Variants in COPA observed in about 807,000 individuals in gnomAD.
The protein encoded by COPA is coat protein complex I subunit alpha.
In COPA, 10 loss-of-function variants were observed where a neutral mutation model predicts 158.7. That is an observed-to-expected ratio of 0.06 (90% CI 0.04 to 0.11). The LOEUF (loss-of-function observed/expected upper bound fraction) is 0.11. Among genes scored for constraint, COPA ranks in the 10% least tolerant of loss-of-function variants. The pLI, the probability that COPA is intolerant of heterozygous loss-of-function variation, is 1.00. For missense variants in COPA, 1,065 were observed against 1,536.7 expected, an observed-to-expected ratio of 0.69 and a Z score of 5.13; for synonymous variants, 462 against 542.8, an observed-to-expected ratio of 0.85 and a Z score of 2.07.
intron 23 of COPA, among the ~76,000 whole-genome samples, chr1:160,295,423 T>C (rs1161879636): frequency 6.6e-6 from 1 of 152,160 alleles, no homozygotes; most frequent in Non-Finnish European, 1.5e-5. Flanking sequence ...ATGTCATGAA[T>C]GATAAAATAC....
chr1:160,310,720 T>C (rs1216544906), intron 11 of COPA, among the ~76,000 whole-genome samples: 1 of 152,138 alleles, frequency 6.6e-6, no homozygotes, highest in African/African-American at 2.4e-5. Flanking sequence ...TTTGCCACCA[T>C]GAATGTTTCA....
intron 3 of COPA, among the ~76,000 whole-genome samples, chr1:160,337,576 G>A (rs1225462736): frequency 6.6e-6 from 1 of 152,034 alleles, no homozygotes; most frequent in African/African-American, 2.4e-5. Flanking sequence ...AAAATTAGCC[G>A]GGCTTGGTGG....
At chr1:160,290,239 A>T in intron 32 of COPA, 23 bp from the exon 33 acceptor site, 1 of 1,613,666 alleles carries the variant, frequency 6.2e-7, no homozygotes, top group Non-Finnish European at 8.5e-7. Context: ...AAACAAAGGA[A>T]CAAGTTAGAG....
In COPA at chr1:160,308,849, TGAAA is replaced by T. The variant is rs150890655; in HGVS notation, c.1219+248_1219+251del. The T allele has an allele frequency of 8.5e-3, 3,736 of 441,162 alleles. 77 individuals are homozygous for T. Among genetic ancestry groups the T allele is most frequent in the East Asian group, 0.043 (1,098 of 25,656 alleles). The allele number at this position is 441,162 out of a possible 1,614,324, so 27.3% of individuals were successfully genotyped here. ...AATAAACTAGGATAACATGCTGTGCTGAAAGAGAGAATGGAGAGTTTCTAATAAC... is the reference window on the plus strand; with the variant it reads ...AATAAACTAGGATAACATGCTGTGCTGAGAGAATGGAGAGTTTCTAATAAC... On this transcript the variant is annotated intron_variant, in intron 13 of 32. Transcript: ENST00000241704.
Position 160,312,005 on chromosome 1 carries a change from A to G in COPA, c.939T>C (p.Gly313=). Residue 313 remains glycine (G), a synonymous_variant, in exon 11 of 33, where the codon GGT becomes GGC. Coordinates refer to ENST00000241704, the MANE Select transcript of COPA (RefSeq NM_004371.4). ...CCCGTTCCAGCTTAAACACAATCATACCACCATCATGGCCTGGGGGACAGG... is the reference window on the plus strand; with the variant it reads ...CCCGTTCCAGCTTAAACACAATCATGCCACCATCATGGCCTGGGGGACAGG... ...LNLFAAGHDG[G]MIVFKLERER... 1 of 1,613,818 alleles carries G rather than the reference A, an allele frequency of 6.2e-7. No individual in the cohort carries two copies. Among genetic ancestry groups the G allele is most frequent in the Non-Finnish European group, 8.5e-7 (1 of 1,179,818 alleles).
intron 6 of COPA, among the ~76,000 whole-genome samples, chr1:160,327,478 G>A (rs1249857754): frequency 6.6e-6 from 1 of 151,680 alleles, no homozygotes; most frequent in Non-Finnish European, 1.5e-5. Context: ...CGGGGCTGGG[G>A]GGGGCGCAGC....
chr1:160,308,641 G>A (rs1344032838), intron 13 of COPA, among the ~76,000 whole-genome samples: 2 of 152,180 alleles, frequency 1.3e-5, no homozygotes, highest in Non-Finnish European at 2.9e-5. Context: ...GCTGGATCCT[G>A]GGATCCCAGG....
intron 8 of COPA, chr1:160,317,553 C>G: frequency 6.2e-7 from 1 of 1,605,626 alleles, no homozygotes; most frequent in Non-Finnish European, 8.5e-7. Context: ...AAGAATCATA[C>G]TGTCAAAGAC....
intron 11 of COPA, among the ~76,000 whole-genome samples, chr1:160,311,617 G>A (rs1487067649): frequency 6.6e-6 from 1 of 151,746 alleles, no homozygotes; most frequent in Non-Finnish European, 1.5e-5. Context: ...GCGTGGTGGC[G>A]GGCGCCTGTA....
chr1:160,339,283 G>A (rs1185898499), intron 3 of COPA, among the ~76,000 whole-genome samples: 4 of 151,934 alleles, frequency 2.6e-5, no homozygotes, highest in Admixed American at 6.6e-5. Context: ...TGGTATTTTT[G>A]CCTCCTGTCT....
Position 160,290,134 on chromosome 1 carries a change from G to A in COPA, c.*23C>T. The A allele has an allele frequency of 3.7e-6, 6 of 1,611,796 alleles. No individual in the cohort carries two copies. The highest frequency in any genetic ancestry group is 5.1e-6 in the Non-Finnish European group (6 of 1,178,056). On this transcript the variant is annotated 3_prime_UTR_variant, in exon 33 of 33. Coordinates refer to ENST00000241704, the MANE Select transcript of COPA (RefSeq NM_004371.4). ...TCTCTGGGGGGAACATATGGTGACT[G>A]ACCCATGCACACAAAGGGGGCCTTA...
chr1:160,318,819 T>G (rs1659243282), intron 8 of COPA, among the ~76,000 whole-genome samples: 1 of 152,016 alleles, frequency 6.6e-6, no homozygotes, highest in Non-Finnish European at 1.5e-5. Context: ...CCTTATTCTA[T>G]CTATAAGATT....
At chr1:160,325,437 T>A in intron 7 of COPA, 106 bp downstream of exon 7, 2 of 959,680 alleles carry the variant, frequency 2.1e-6, no homozygotes, top group South Asian at 1.4e-5. Flanking sequence ...TGGCACTTAA[T>A]AAGCACTCTG....
At chr1:160,339,716 C>A in intron 3 of COPA, 193 bp downstream of exon 3, 1 of 503,932 alleles carries the variant, frequency 2.0e-6, no homozygotes. Flanking sequence ...TTTTTGAATT[C>A]CCTAAAAAGA....
At chr1:160,326,557 G>A (rs1571176953) in intron 6 of COPA, among the ~76,000 whole-genome samples, 1 of 152,162 alleles carries the variant, frequency 6.6e-6, no homozygotes, top group South Asian at 2.1e-4. Context: ...AGAAGCCACA[G>A]TGCAGTGTTT....
intron 13 of COPA, among the ~76,000 whole-genome samples, chr1:160,308,071 G>C (rs1658846940): frequency 6.6e-6 from 1 of 152,092 alleles, no homozygotes; most frequent in Admixed American, 6.6e-5. Context: ...CCACCACTGG[G>C]CTGCTCCTTT....
intron 3 of COPA, chr1:160,339,660 G>C (rs1886421): frequency 0.53 from 226,466 of 427,970 alleles, 61,898 homozygotes; most frequent in African/African-American, 0.73. Flanking sequence ...TTTATCTTCT[G>C]TATTAGAATA....
chr1:160,316,146 T>C (rs1457280489), intron 8 of COPA, among the ~76,000 whole-genome samples: 1 of 151,644 alleles, frequency 6.6e-6, no homozygotes, highest in Non-Finnish European at 1.5e-5. Flanking sequence ...GATCACAAGG[T>C]CAGGAGTTCG....
intron 21 of COPA, among the ~76,000 whole-genome samples, 175 bp from the exon 22 acceptor site, chr1:160,296,324 CA>C (rs376948764): frequency 2.6e-5 from 4 of 152,330 alleles, no homozygotes; most frequent in African/African-American, 9.6e-5. Context: ...ATGGATGGAA[CA>C]TGGCAGATGT....
Sources: allele counts gnomAD v4.1 joint callset (sites outside exome capture counted in the v4.1 genomes callset), GRCh38; gene constraint gnomAD v4.1.1; transcripts MANE v1.5; gene names NCBI Gene and HGNC (gene_info 2026-07-23, HGNC 2026-07-21).